RNF157: variants seen among roughly 807,000 people sequenced by gnomAD.
The protein encoded by RNF157 is E3 ubiquitin ligase RNF157.
RNF157 carries 55 observed loss-of-function variants against 88.3 expected under a neutral mutation model. That is an observed-to-expected ratio of 0.62 (90% CI 0.50 to 0.78). The LOEUF is 0.78. RNF157 is among the 30% of genes least tolerant of loss of function. RNF157 has a pLI of 0.00. For missense variants in RNF157, 788 were observed against 860.8 expected, an observed-to-expected ratio of 0.92 and a Z score of 1.06; for synonymous variants, 334 against 341.2, an observed-to-expected ratio of 0.98 and a Z score of 0.23.
At chr17:76,165,759 C>G (rs1698376139) in intron 6 of RNF157, among the ~76,000 whole-genome samples, 1 of 152,076 alleles carries the variant, frequency 6.6e-6, no homozygotes, top group South Asian at 2.1e-4. Flanking sequence ...CTCACTGTGG[C>G]CTCCGCCTCC....
chr17:76,202,570 T>C (rs2069603204), intron 2 of RNF157: 1 of 153,738 alleles, frequency 6.5e-6, no homozygotes, highest in South Asian at 2.0e-4. Flanking sequence ...TAAAATCACG[T>C]CCACACCTCA....
intron 2 of RNF157, among the ~76,000 whole-genome samples, chr17:76,177,142 C>T (rs1421311338): frequency 6.6e-6 from 1 of 151,980 alleles, no homozygotes; most frequent in Non-Finnish European, 1.5e-5. Flanking sequence ...CCGGCCCTGG[C>T]CCCGGCCCAG....
At chr17:76,206,612 A>G (rs537801909) in intron 2 of RNF157, among the ~76,000 whole-genome samples, 142 of 152,248 alleles carry the variant, frequency 9.3e-4, no homozygotes, top group Admixed American at 4.3e-3. Context: ...CCAGCCTGGA[A>G]CAACATAGTG....
Position 76,173,572 on chromosome 17 carries a change from G to A in RNF157, c.296+130C>T, listed in dbSNP as rs79230936. Reference sequence around the variant, plus strand: ...GAAAGTAGCGCCCGCACTCCTGTCTGAGGCCCAGAGAAGCAAGCTCTGGGG... The same window carrying A: ...GAAAGTAGCGCCCGCACTCCTGTCTAAGGCCCAGAGAAGCAAGCTCTGGGG... On this transcript the variant is annotated intron_variant, in intron 3 of 18. Coordinates refer to ENST00000269391, the MANE Select transcript of RNF157 (RefSeq NM_052916.3). 8.0e-4 allele frequency: 539 copies of A among 673,546 alleles called. 5 individuals carry two copies. The East Asian group carries it at 0.015, about 19-fold the overall frequency. The allele number at this position is 673,546 out of a possible 1,614,324, so 41.7% of individuals were successfully genotyped here.
rs1415295793 is a variant in RNF157 at position 76,146,344 on chromosome 17, AT to A, written c.1922-992del. 1.4e-5 allele frequency: 14 copies of A among 985,296 alleles called. No individual in the cohort carries two copies. The African/African-American group carries it at 1.7e-4, about 12-fold the overall frequency. 61.0% of individuals were successfully genotyped at this position (985,296 alleles called of 1,614,324 possible). On this transcript the variant is annotated intron_variant, in intron 18 of 18. Coordinates refer to ENST00000269391, the MANE Select transcript of RNF157 (RefSeq NM_052916.3). The surrounding 1 kb of genome is among the most constrained non-coding windows in gnomAD (Gnocchi z 4.2). ...TGAGAGAATGCGAGCGTTGGTGAGT[AT>A]CTGACTCCTAGAATAGCCTGTGCTC...
intron 2 of RNF157, among the ~76,000 whole-genome samples, chr17:76,202,186 C>T (rs2069596014): frequency 1.3e-5 from 2 of 151,118 alleles, no homozygotes; most frequent in Non-Finnish European, 1.5e-5. Context: ...ATGAGAAAGA[C>T]ACCCGTTCCC....
intron 3 of RNF157, among the ~76,000 whole-genome samples, chr17:76,171,049 T>C (rs894129632): frequency 6.6e-6 from 1 of 151,994 alleles, no homozygotes; most frequent in Non-Finnish European, 1.5e-5. Context: ...CCTGCCACCA[T>C]GCCCGGCTAA....
At position 76,167,140 on chromosome 17, in the gene RNF157, T is replaced by C. The variant is rs770705505; in HGVS notation, c.444-14A>G. Reference sequence around the variant, plus strand: ...TTGGGAATGTAGCTATTGATACAAGTGGGAGGCAAAGCAAAAGTCAGTATC... The same window carrying C: ...TTGGGAATGTAGCTATTGATACAAGCGGGAGGCAAAGCAAAAGTCAGTATC... On this transcript the variant is annotated splice_polypyrimidine_tract_variant and intron_variant, in intron 4 of 18. Coordinates refer to ENST00000269391, the MANE Select transcript of RNF157 (RefSeq NM_052916.3). 1.9e-6 allele frequency: 3 copies of C among 1,599,166 alleles called. No homozygotes were observed. In the East Asian group the frequency reaches 6.7e-5, roughly 36 times the overall value.
At position 76,176,785 on chromosome 17, in the gene RNF157, G is replaced by A. The variant is rs992626355; in HGVS notation, c.208-2995C>T. ...TTGGCCAGTGTCCCGCTTGCTCATG[G>A]AGCGCCAGGGCCAGGCCTGGGCGCG... On this transcript the variant is annotated intron_variant, in intron 2 of 18. Coordinates refer to ENST00000269391, the MANE Select transcript of RNF157 (RefSeq NM_052916.3). The surrounding 1 kb of genome is among the most constrained non-coding windows in gnomAD (Gnocchi z 4.2). Among the ~76,000 whole-genome samples the A allele has an allele frequency of 6.6e-6, 1 of 152,074 alleles. No individual in the cohort carries two copies. Among genetic ancestry groups the A allele is most frequent in the Non-Finnish European group, 1.5e-5 (1 of 68,020 alleles).
intron 2 of RNF157, among the ~76,000 whole-genome samples, chr17:76,179,197 C>T (rs751595990): frequency 7.9e-5 from 12 of 152,102 alleles, no homozygotes; most frequent in Non-Finnish European, 1.3e-4. Context: ...AGTTTTGAGA[C>T]CAGCCTGGGC....
intron 18 of RNF157, among the ~76,000 whole-genome samples, chr17:76,151,758 G>C (rs1211296143): frequency 2.0e-5 from 3 of 152,202 alleles, no homozygotes; most frequent in African/African-American, 7.2e-5. Context: ...GATCACCTGT[G>C]AAGTTACAGC....
chr17:76,218,624 G>A (rs1195966606), intron 1 of RNF157, among the ~76,000 whole-genome samples: 18 of 149,884 alleles, frequency 1.2e-4, no homozygotes, highest in Admixed American at 1.2e-3. Context: ...GCAACAGAGT[G>A]AGACTCTGTC....
intron 2 of RNF157, among the ~76,000 whole-genome samples, chr17:76,191,932 A>G (rs2069393465): frequency 6.6e-6 from 1 of 152,166 alleles, no homozygotes; most frequent in African/African-American, 2.4e-5. Flanking sequence ...AAGCTATTTG[A>G]CTCGTAAGTC....
At chr17:76,203,671 T>TA (rs1191293608) in intron 2 of RNF157, among the ~76,000 whole-genome samples, 3 of 151,230 alleles carry the variant, frequency 2.0e-5, no homozygotes, top group East Asian at 1.9e-4. Context: ...AGGCTGGTCT[T>TA]AAACTCCTGA....
intron 1 of RNF157, among the ~76,000 whole-genome samples, chr17:76,230,075 G>A (rs2145074255): frequency 6.6e-6 from 1 of 152,126 alleles, no homozygotes; most frequent in African/African-American, 2.4e-5. Flanking sequence ...GGATTTTTTT[G>A]GAGAAACTGA....
chr17:76,221,322 G>A (rs573586551), intron 1 of RNF157, among the ~76,000 whole-genome samples: 1 of 152,202 alleles, frequency 6.6e-6, no homozygotes, highest in African/African-American at 2.4e-5. Flanking sequence ...AAAGTAAGTA[G>A]CTTCAAATTT....
intron 1 of RNF157, among the ~76,000 whole-genome samples, chr17:76,217,249 C>T (rs2069904334): frequency 6.6e-6 from 1 of 152,052 alleles, no homozygotes; most frequent in Non-Finnish European, 1.5e-5. Context: ...GGTCAAGAGA[C>T]CTGCCCGCCT....
At chr17:76,191,010 G>A (rs1452178629) in intron 2 of RNF157, among the ~76,000 whole-genome samples, 1 of 151,528 alleles carries the variant, frequency 6.6e-6, no homozygotes, top group Non-Finnish European at 1.5e-5. Flanking sequence ...CAACATAGTG[G>A]GACTGTTTCT....
Position 76,145,428 on chromosome 17 carries a change from C to T in RNF157, c.1922-75G>A, listed in dbSNP as rs557005327. The T allele has an allele frequency of 9.8e-4, 1,108 of 1,132,520 alleles. 25 individuals are homozygous for T. In the South Asian group the frequency reaches 0.014, roughly 14 times the overall value. 70.2% of individuals were successfully genotyped at this position (1,132,520 alleles called of 1,614,324 possible). On this transcript the variant is annotated intron_variant, in intron 18 of 18. Transcript: ENST00000269391. ...CAGATGGTGTCTCCAGCAGGGCAGCCCAGGAGCCGGCACGGAAGGAGCAGG... is the reference window on the plus strand; with the variant it reads ...CAGATGGTGTCTCCAGCAGGGCAGCTCAGGAGCCGGCACGGAAGGAGCAGG...
Sources: allele counts gnomAD v4.1 joint callset (sites outside exome capture counted in the v4.1 genomes callset), GRCh38; gene constraint gnomAD v4.1.1; non-coding constraint Gnocchi (gnomAD v3.1); transcripts MANE v1.5; gene names NCBI Gene and HGNC (gene_info 2026-07-23, HGNC 2026-07-21).